The following ANO1 variants were observed in gnomAD, a reference collection of about 807,000 sequenced individuals.
ANO1 encodes the protein anoctamin-1.
In ANO1, 59 loss-of-function variants were observed where a neutral mutation model predicts 124.0. That is an observed-to-expected ratio of 0.48 (90% CI 0.39 to 0.59). The LOEUF is 0.59. ANO1 is among the 20% of genes least tolerant of loss of function. ANO1 has a pLI of 0.00. For synonymous variants in ANO1, 529 were observed against 532.0 expected (o/e 0.99, Z 0.08); for missense variants, 1,059 against 1,328.0 (o/e 0.80, Z 3.15).
At chr11:70,014,689 C>G (rs548340790) in intron 1 of ANO1, among the ~76,000 whole-genome samples, 12 of 152,144 alleles carry the variant, frequency 7.9e-5, no homozygotes, top group African/African-American at 2.9e-4. Context: ...GTTGTGGGTT[C>G]ATACAGTTTC....
chr11:70,143,352 G>A (rs1023423034), intron 11 of ANO1, among the ~76,000 whole-genome samples: 2 of 152,174 alleles, frequency 1.3e-5, no homozygotes, highest in Admixed American at 6.5e-5. Flanking sequence ...AAGGGAGTCC[G>A]CCAGCCAGCT....
intron 1 of ANO1, among the ~76,000 whole-genome samples, chr11:70,006,310 A>G (rs1409833562): frequency 6.6e-6 from 1 of 152,050 alleles, no homozygotes; most frequent in African/African-American, 2.4e-5. Flanking sequence ...CCCTCCCATC[A>G]TGACATTTTA....
chr11:70,031,789 C>T (rs932571027), intron 1 of ANO1, among the ~76,000 whole-genome samples: 5 of 152,208 alleles, frequency 3.3e-5, no homozygotes, highest in African/African-American at 1.2e-4. Flanking sequence ...GGCCGCCAGC[C>T]GACTCTCAGG....
At chr11:70,127,621 G>A (rs760902914) in intron 10 of ANO1, among the ~76,000 whole-genome samples, 4 of 152,190 alleles carry the variant, frequency 2.6e-5, no homozygotes, top group South Asian at 2.1e-4. Flanking sequence ...CCTTGAGCCC[G>A]GGAGGTCGAG....
chr11:70,094,731 C>CCT (rs2044772618), intron 2 of ANO1, among the ~76,000 whole-genome samples: 1 of 152,182 alleles, frequency 6.6e-6, no homozygotes, highest in African/African-American at 2.4e-5. Flanking sequence ...ATGTTAGGAA[C>CCT]CTCTAGTCTA....
chr11:70,151,770 A>G (rs1038750899), intron 12 of ANO1, among the ~76,000 whole-genome samples: 3 of 152,272 alleles, frequency 2.0e-5, no homozygotes, highest in Middle Eastern at 3.4e-3. Flanking sequence ...CCGCCCCTCC[A>G]CATAGCCTGA....
intron 4 of ANO1, among the ~76,000 whole-genome samples, chr11:70,104,832 G>T (rs1375570666): frequency 2.6e-5 from 4 of 152,162 alleles, no homozygotes; most frequent in Non-Finnish European, 4.4e-5. Context: ...GGCCTCACAG[G>T]GTCGGGGGCA....
intron 1 of ANO1, among the ~76,000 whole-genome samples, chr11:70,022,974 C>G (rs1386107985): frequency 3.9e-5 from 6 of 152,122 alleles, no homozygotes; most frequent in African/African-American, 1.4e-4. Flanking sequence ...GCACTGCCAG[C>G]TTGAGATGGA....
intron 1 of ANO1, among the ~76,000 whole-genome samples, chr11:70,052,531 C>CTTTTTTTTCTTTTT (rs1857365075): frequency 1.5e-5 from 1 of 65,932 alleles, no homozygotes; most frequent in African/African-American, 5.6e-5. Context: ...TTTTTCTTTT[C>CTTTTTTTTCTTTTT]TTTTTTTTTT....
rs956651489 is a variant in ANO1 at position 70,175,504 on chromosome 11, C to T, written c.2350+4465C>T. On this transcript the variant is annotated intron_variant, in intron 22 of 25. Transcript: ENST00000355303. ...CTGGGGGAAGCTGTGCCACAAAGCGCAGGTGCCTTGATCACCCTGTCGTCC... is the reference window on the plus strand; with the variant it reads ...CTGGGGGAAGCTGTGCCACAAAGCGTAGGTGCCTTGATCACCCTGTCGTCC... Among the ~76,000 whole-genome samples the T allele has an allele frequency of 2.0e-5, 3 of 152,252 alleles. No homozygotes were observed. In the East Asian group the frequency reaches 5.8e-4, roughly 29 times the overall value.
intron 22 of ANO1, among the ~76,000 whole-genome samples, chr11:70,175,693 C>T (rs934218208): frequency 3.9e-5 from 6 of 152,206 alleles, no homozygotes; most frequent in Non-Finnish European, 5.9e-5. Flanking sequence ...GTGGTGGCCT[C>T]GCCAAGTACC....
intron 1 of ANO1, among the ~76,000 whole-genome samples, chr11:70,017,008 C>G (rs1349847593): frequency 2.0e-5 from 3 of 152,212 alleles, no homozygotes; most frequent in African/African-American, 7.2e-5. Flanking sequence ...TTCTTCCCCT[C>G]TAGAATCCAG....
At chr11:69,998,817 A>G (rs965243749) in intron 1 of ANO1, among the ~76,000 whole-genome samples, 1 of 152,106 alleles carries the variant, frequency 6.6e-6, no homozygotes, top group Non-Finnish European at 1.5e-5. Context: ...GCGTGGTGTC[A>G]GGTGCCTGTA....
chr11:70,164,445 C>A (rs1239893922), intron 19 of ANO1, among the ~76,000 whole-genome samples: 1 of 152,222 alleles, frequency 6.6e-6, no homozygotes, highest in African/African-American at 2.4e-5. Flanking sequence ...TTCTGAAATG[C>A]TCTTTCCTTT....
intron 2 of ANO1, among the ~76,000 whole-genome samples, chr11:70,096,821 A>G (rs1565195607): frequency 6.6e-6 from 1 of 152,134 alleles, no homozygotes; most frequent in Non-Finnish European, 1.5e-5. Flanking sequence ...AGATTACGCC[A>G]CCGCACTCCA....
At chr11:70,006,663 C>CTTTTTTTTTTT (rs56851839) in intron 1 of ANO1, among the ~76,000 whole-genome samples, 34 of 88,990 alleles carry the variant, frequency 3.8e-4, no homozygotes, top group Non-Finnish European at 5.2e-4. Flanking sequence ...TTTCTTCTTT[C>CTTTTTTTTTTT]TTTTTTTTTT....
intron 22 of ANO1, among the ~76,000 whole-genome samples, chr11:70,177,652 T>G (rs2048772768): frequency 7.8e-6 from 1 of 128,476 alleles, no homozygotes; most frequent in Non-Finnish European, 1.5e-5. Context: ...CAGGCTGGAG[T>G]GAAGTGGCGC....
chr11:70,165,563 G>C lies in ANO1; in HGVS notation c.2044G>C (p.Gly682Arg), dbSNP rs904476354. Reference sequence around the variant, plus strand: ...GATCCAGAACAACCTGTTCGAGATCGGCATCCCGTGAGTGTGCTGCAGCGG... The same window carrying C: ...GATCCAGAACAACCTGTTCGAGATCCGCATCCCGTGAGTGTGCTGCAGCGG... ...QLIQNNLFEIGIPKMKKLIRY... is the reference protein window; with the variant it reads ...QLIQNNLFEIRIPKMKKLIRY... Residue 682 changes from glycine to arginine, a missense_variant, in exon 20 of 26, where the codon GGC becomes CGC. By Grantham distance (125) the Gly-to-Arg change is moderately radical. This residue lies in a region of ANO1 where 809 missense variants were observed against 1,094.9 expected (regional missense o/e 0.74). Coordinates refer to ENST00000355303, the MANE Select transcript of ANO1 (RefSeq NM_018043.7). The C allele has an allele frequency of 6.8e-6, 11 of 1,609,974 alleles. No homozygotes were observed. The highest frequency in any genetic ancestry group is 9.3e-6 in the Non-Finnish European group (11 of 1,178,212).
chr11:69,989,224 A>C (rs1591018439), intron 1 of ANO1, among the ~76,000 whole-genome samples: 1 of 152,156 alleles, frequency 6.6e-6, no homozygotes, highest in Non-Finnish European at 1.5e-5. Flanking sequence ...CAGAGGCAGG[A>C]TTTGAACTCC....
Sources: allele counts gnomAD v4.1 joint callset (sites outside exome capture counted in the v4.1 genomes callset), GRCh38; gene constraint gnomAD v4.1.1; regional missense constraint gnomAD v4.1.1; transcripts MANE v1.5; gene names NCBI Gene and HGNC (gene_info 2026-07-23, HGNC 2026-07-21).